The following SRSF11 variants were observed in gnomAD, a reference collection of about 807,000 sequenced individuals.
SRSF11 encodes the protein serine/arginine-rich splicing factor 11.
SRSF11 carries 9 observed loss-of-function variants against 56.0 expected under a neutral mutation model. The observed-to-expected ratio is 0.16, with a 90% CI of 0.10 to 0.28. The LOEUF is 0.28. SRSF11 is among the 10% of genes least tolerant of loss of function. SRSF11 has a pLI of 1.00. For missense variants in SRSF11, 421 were observed against 600.7 expected (o/e 0.70, Z 3.13); for synonymous variants, 222 against 215.3 (o/e 1.03, Z -0.27).
chr1:70,223,691 A>G (rs1671133816), intron 1 of SRSF11, among the ~76,000 whole-genome samples: 1 of 152,240 alleles, frequency 6.6e-6, no homozygotes, highest in African/African-American at 2.4e-5. Flanking sequence ...GTGGCCTTCT[A>G]CATTTGATCA....
In SRSF11 at chr1:70,210,409, A is replaced by C. The variant is rs1478904253; in HGVS notation, c.-26+4629A>C. On this transcript the variant is annotated intron_variant, in intron 1 of 12. Coordinates refer to the SRSF11 transcript ENST00000370950. ...CAGGCTCAAGCAGTCCTACCACCTC[A>C]GCCTTCCAAAGTGCTGGGATTGGCC... 4.6e-5 allele frequency among the ~76,000 whole-genome samples: 7 copies of C among 152,074 alleles called. 1 individual carries two copies. Among genetic ancestry groups the C allele is most frequent in the African/African-American group, 1.7e-4 (7 of 41,412 alleles).
intron 7 of SRSF11, among the ~76,000 whole-genome samples, chr1:70,241,273 A>T (rs1332737526): frequency 1.3e-5 from 2 of 152,212 alleles, no homozygotes; most frequent in Non-Finnish European, 2.9e-5. Context: ...TCTCTATTAA[A>T]AGCACTTATA....
Position 70,250,506 on chromosome 1 carries a change from A to G in SRSF11, c.1257+3A>G. 6.2e-7 allele frequency: 1 copy of G among 1,605,516 alleles called. No individual in the cohort carries two copies. Among genetic ancestry groups the G allele is most frequent in the Non-Finnish European group, 8.5e-7 (1 of 1,174,802 alleles). Reference sequence around the variant, plus strand: ...CAGAGAGTGATAAAGATGTAAAAGTATGTTTACAAATTGATTTATTTTTAT... The same window carrying G: ...CAGAGAGTGATAAAGATGTAAAAGTGTGTTTACAAATTGATTTATTTTTAT... On this transcript the variant is annotated splice_donor_region_variant and intron_variant, in intron 11 of 11. Transcript: ENST00000370949.
chr1:70,206,756 C>G (rs533542797), intron 1 of SRSF11, among the ~76,000 whole-genome samples: 1 of 152,096 alleles, frequency 6.6e-6, no homozygotes, highest in African/African-American at 2.4e-5. Flanking sequence ...CAGGTTATTG[C>G]TACCTGTAAA....
rs1159463006 is a variant in SRSF11, at chr1:70,251,868, GT to G, written c.*1067del. 2.6e-5 allele frequency: 4 copies of G among 152,510 alleles called. No homozygotes were observed. The highest frequency in any genetic ancestry group is 9.7e-5 in the African/African-American group (4 of 41,430). The allele number at this position is 152,510 out of a possible 1,614,324, so 9.4% of individuals were successfully genotyped here. A position where few individuals can be genotyped will look rare whatever the true frequency, so the allele number is the denominator to read the frequency against. ...TGTTATATATGCAAAGTAGGCAACT[GT>G]TTTCTTAGTTACAGAAGTTTCAAGC... is the stretch of plus-strand genomic sequence containing the variant. On this transcript the variant is annotated 3_prime_UTR_variant, in exon 12 of 12. Transcript: ENST00000370949.
intron 2 of SRSF11, chr1:70,230,964 C>T: frequency 8.2e-7 from 1 of 1,222,730 alleles, no homozygotes; most frequent in Non-Finnish European, 1.0e-6. Flanking sequence ...GATGACAGCT[C>T]TGACACAAGC....
chr1:70,230,454 G>A, intron 2 of SRSF11: 2 of 1,191,232 alleles, frequency 1.7e-6, no homozygotes, highest in Middle Eastern at 2.8e-4. Context: ...GAATTTGGAA[G>A]GAACTCTTAA....
intron 1 of SRSF11, among the ~76,000 whole-genome samples, chr1:70,206,724 A>G (rs1669064103): frequency 6.6e-6 from 1 of 152,132 alleles, no homozygotes; most frequent in African/African-American, 2.4e-5. Flanking sequence ...TCAATTCTTC[A>G]TCACGCACTT....
chr1:70,250,550 A>T (rs776565317), intron 11 of SRSF11, 47 bp downstream of exon 11: 3 of 1,609,218 alleles, frequency 1.9e-6, no homozygotes, highest in East Asian at 4.5e-5. Context: ...TGATGTTGGT[A>T]CTTTCAGAAG....
In SRSF11 at chr1:70,221,404, G is replaced by T. The variant is rs370804954; in HGVS notation, c.-233G>T. The T allele has an allele frequency of 3.7e-6, 2 of 538,214 alleles. No individual in the cohort carries two copies. Among genetic ancestry groups the T allele is most frequent in the Non-Finnish European group, 6.5e-6 (2 of 310,064 alleles). The allele number at this position is 538,214 out of a possible 1,614,324, so 33.3% of individuals were successfully genotyped here. A position where few individuals can be genotyped will look rare whatever the true frequency, so the allele number is the denominator to read the frequency against. On this transcript the variant is annotated 5_prime_UTR_variant, in exon 1 of 12. Transcript: ENST00000370949. ...TAGTGTCGTGGTTGGAGGCGAGGTG[G>T]GGCGGCCGTTTGTTTTCTCGTGGTC...
At chr1:70,214,062 A>T (rs1415884164) in intron 1 of SRSF11, among the ~76,000 whole-genome samples, 1 of 152,164 alleles carries the variant, frequency 6.6e-6, no homozygotes, top group Admixed American at 6.5e-5. Context: ...GCATGGGGGA[A>T]AAAAACATAA....
At chr1:70,241,884 C>T (rs1675487912) in intron 7 of SRSF11, among the ~76,000 whole-genome samples, 2 of 152,078 alleles carry the variant, frequency 1.3e-5, no homozygotes, top group Admixed American at 6.5e-5. Context: ...AAAAGGAGAG[C>T]CTGGGCCGGG....
intron 2 of SRSF11, chr1:70,232,000 C>CA: frequency 6.6e-7 from 1 of 1,519,504 alleles, no homozygotes. Context: ...GCAGTGTTAA[C>CA]AAAAAAGTAG....
intron 7 of SRSF11, 25 bp downstream of exon 7, chr1:70,239,545 T>C: frequency 6.7e-7 from 1 of 1,488,926 alleles, no homozygotes; most frequent in South Asian, 1.2e-5. Context: ...TAGTCAATTA[T>C]ACCTTAGACA....
intron 1 of SRSF11, among the ~76,000 whole-genome samples, chr1:70,215,189 C>T (rs1210549099): frequency 6.6e-6 from 1 of 152,080 alleles, no homozygotes; most frequent in Non-Finnish European, 1.5e-5. Context: ...TGAGCCACCA[C>T]TCCTGGCCGT....
At chr1:70,229,841 C>T in intron 2 of SRSF11, 1 of 983,374 alleles carries the variant, frequency 1.0e-6, no homozygotes, top group Non-Finnish European at 1.2e-6. Context: ...AATAGTACCT[C>T]TGTCTCCATG....
chr1:70,231,547 T>TA lies in SRSF11; in HGVS notation c.338-718dup, dbSNP rs146736026. On this transcript the variant is annotated intron_variant, in intron 2 of 11. Coordinates refer to ENST00000370949, the MANE Select transcript of SRSF11 (RefSeq NM_001350605.2). ...GGTTAGCATGGCACATGGCGAAACA[T>TA]AAAGCATTTTACTGTACAGGTAAGG... 11 of 1,078,456 alleles carry TA rather than the reference T, an allele frequency of 1.0e-5. No individual in the cohort carries two copies. In the African/African-American group the frequency reaches 1.8e-4, roughly 18 times the overall value. 66.8% of individuals were successfully genotyped at this position (1,078,456 alleles called of 1,614,324 possible).
intron 1 of SRSF11, among the ~76,000 whole-genome samples, chr1:70,208,412 A>C (rs1482639371): frequency 2.0e-5 from 3 of 152,042 alleles, no homozygotes; most frequent in Non-Finnish European, 4.4e-5. Context: ...TGGTCACTGC[A>C]ACCTCCACCT....
At chr1:70,233,151 T>C (rs1673187286) in intron 3 of SRSF11, among the ~76,000 whole-genome samples, 1 of 152,226 alleles carries the variant, frequency 6.6e-6, no homozygotes, top group Non-Finnish European at 1.5e-5. Context: ...TCCTAGGTTA[T>C]TTCTTTTAAC....
Sources: gnomAD v4.1 joint callset for allele counts (sites outside exome capture counted in the v4.1 genomes callset) on GRCh38, gnomAD v4.1.1 for gene constraint, MANE v1.5 for transcripts, NCBI Gene and HGNC (gene_info 2026-07-23, HGNC 2026-07-21) for gene names.